USH2A: variants seen among roughly 807,000 people sequenced by gnomAD.
The protein encoded by USH2A is Usher syndrome 2A (autosomal recessive, mild).
USH2A carries 443 observed loss-of-function variants against 538.9 expected under a neutral mutation model. The observed-to-expected ratio is 0.82, with a 90% CI of 0.76 to 0.89. USH2A has a LOEUF of 0.89. Among genes scored for constraint, USH2A ranks in the 40% least tolerant of loss-of-function variants. USH2A has a pLI of 0.00. For synonymous variants in USH2A, 2,413 were observed against 2,273.5 expected, an observed-to-expected ratio of 1.06 and a Z score of -1.75; for missense variants, 6,633 against 6,324.8, an observed-to-expected ratio of 1.05 and a Z score of -1.65.
chr1:216,377,403 C>T (rs780391614), intron 3 of USH2A, among the ~76,000 whole-genome samples: 3 of 152,096 alleles, frequency 2.0e-5, no homozygotes, highest in Non-Finnish European at 4.4e-5. Context: ...AAGAATATAT[C>T]ATCCCTGAAT....
chr1:216,259,355 G>T (rs1017060358), intron 11 of USH2A, among the ~76,000 whole-genome samples: 1 of 152,020 alleles, frequency 6.6e-6, no homozygotes, highest in Non-Finnish European at 1.5e-5. Context: ...TGAAATCTAT[G>T]GTCTGTAGCT....
At chr1:216,041,342 G>A (rs2030264827) in intron 32 of USH2A, among the ~76,000 whole-genome samples, 2 of 151,922 alleles carry the variant, frequency 1.3e-5, no homozygotes, top group Non-Finnish European at 2.9e-5. Context: ...AACTCAAGGT[G>A]CAGCAATGCC....
chr1:216,263,752 C>G (rs553842167), intron 11 of USH2A, among the ~76,000 whole-genome samples: 28 of 152,018 alleles, frequency 1.8e-4, no homozygotes, highest in Non-Finnish European at 3.7e-4. Context: ...CAACCTAGAA[C>G]TAGAAATTCC....
chr1:216,412,343 A>G (rs1223069633), intron 3 of USH2A, among the ~76,000 whole-genome samples: 1 of 152,156 alleles, frequency 6.6e-6, no homozygotes, highest in Non-Finnish European at 1.5e-5. Context: ...TACCTCTTCC[A>G]TAATAAAGTA....
chr1:216,116,737 G>T (rs114959981), intron 21 of USH2A, among the ~76,000 whole-genome samples: 3,174 of 152,122 alleles, frequency 0.021, 43 homozygotes, highest in Non-Finnish European at 0.03. Context: ...CAATATTAGG[G>T]TCGCTTCAGG....
At chr1:216,160,417 A>G (rs1322791246) in intron 21 of USH2A, among the ~76,000 whole-genome samples, 1 of 151,978 alleles carries the variant, frequency 6.6e-6, no homozygotes, top group African/African-American at 2.4e-5. Flanking sequence ...TTCCAATCGG[A>G]TTATGTTTTA....
chr1:216,070,576 C>T (rs1283382726), intron 29 of USH2A, among the ~76,000 whole-genome samples: 1 of 152,054 alleles, frequency 6.6e-6, no homozygotes, highest in Non-Finnish European at 1.5e-5. Context: ...GTTTAAACAT[C>T]ACTCATAAAG....
chr1:216,100,972 G>T (rs1417785549), intron 21 of USH2A, among the ~76,000 whole-genome samples: 1 of 152,102 alleles, frequency 6.6e-6, no homozygotes, highest in East Asian at 1.9e-4. Context: ...AAGAAGGGAA[G>T]CTATAGTATA....
In USH2A at chr1:215,965,400, T is replaced by G. The variant is rs776390437; in HGVS notation, c.7037A>C (p.His2346Pro). 3.1e-6 allele frequency: 5 copies of G among 1,613,804 alleles called. No homozygotes were observed. Among genetic ancestry groups the G allele is most frequent in the Non-Finnish European group, 4.2e-6 (5 of 1,179,836 alleles). ...FVKTQGSRKA[H>P]VRWEAPFRPN... ...GCGAAAAGGTGCTTCCCACCTCACGTGGGCTTTCCGGGATCCCTGTGTTTT... is the reference window on the plus strand; with the variant it reads ...GCGAAAAGGTGCTTCCCACCTCACGGGGGCTTTCCGGGATCCCTGTGTTTT... The change falls in exon 37 of 72, where the codon CAC becomes CCC. Residue 2346 changes from histidine (H) to proline (P), a missense_variant. His to Pro is a moderately conservative substitution (Grantham distance 77). Transcript: ENST00000307340.
chr1:216,261,962 A>G (rs981690362), intron 11 of USH2A, among the ~76,000 whole-genome samples: 2 of 152,184 alleles, frequency 1.3e-5, no homozygotes, highest in African/African-American at 4.8e-5. Flanking sequence ...CATTACTGAC[A>G]TGGATTACAG....
chr1:215,764,579 T>G (rs964739429), intron 56 of USH2A, among the ~76,000 whole-genome samples: 1 of 152,090 alleles, frequency 6.6e-6, no homozygotes. Flanking sequence ...AGATTGAAAA[T>G]GAGAGGCAAG....
intron 14 of USH2A, among the ~76,000 whole-genome samples, chr1:216,218,423 AGAC>A (rs2035387606): frequency 1.3e-5 from 2 of 152,170 alleles, no homozygotes; most frequent in Admixed American, 6.6e-5. Context: ...ACATGTAAGA[AGAC>A]CACTCACCAT....
intron 5 of USH2A, among the ~76,000 whole-genome samples, chr1:216,327,202 T>G (rs1324996334): frequency 1.3e-5 from 2 of 152,184 alleles, no homozygotes; most frequent in Non-Finnish European, 2.9e-5. Flanking sequence ...TTTATTGTTC[T>G]ACATTCTCTA....
intron 20 of USH2A, among the ~76,000 whole-genome samples, chr1:216,189,143 G>T (rs2034667002): frequency 6.6e-6 from 1 of 151,816 alleles, no homozygotes; most frequent in African/African-American, 2.4e-5. Context: ...AATACAAAGT[G>T]TTCAGTTATA....
chr1:215,627,418 TTC>T lies in USH2A; in HGVS notation c.15519+1394_15519+1395del, dbSNP rs1558027279. ...CTTCCTTCCTTCCTTCCTTCCTTCC[TTC>T]CTTCCTTCCTTCCTTCCTTCCTTCC... On this transcript the variant is annotated intron_variant, in intron 71 of 71. Transcript: ENST00000307340. Among the ~76,000 whole-genome samples, 14 of 118,180 alleles carry T rather than the reference TTC, an allele frequency of 1.2e-4. 1 individual carries two copies. The highest frequency in any genetic ancestry group is 2.5e-4 in the Non-Finnish European group (14 of 55,472). 77.5% of individuals were successfully genotyped at this position (118,180 alleles called of 152,430 possible).
At chr1:216,397,703 G>A (rs1453545110) in intron 3 of USH2A, among the ~76,000 whole-genome samples, 2 of 152,156 alleles carry the variant, frequency 1.3e-5, no homozygotes, top group Non-Finnish European at 2.9e-5. Flanking sequence ...GGGGATCTGG[G>A]GGTTCTCAGG....
chr1:215,720,368 T>A (rs1487298799), intron 61 of USH2A, among the ~76,000 whole-genome samples: 1 of 152,184 alleles, frequency 6.6e-6, no homozygotes, highest in Non-Finnish European at 1.5e-5. Context: ...GGCAAGAGGC[T>A]TCCTACTGCA....
chr1:216,232,065 G>A lies in USH2A; in HGVS notation c.2881C>T (p.His961Tyr). The A allele has an allele frequency of 6.2e-7, 1 of 1,614,050 alleles. No individual in the cohort carries two copies. The change falls in exon 14 of 72, where the codon CAC becomes TAC. Residue 961 changes from histidine to tyrosine, a missense_variant. Coordinates refer to ENST00000307340, the MANE Select transcript of USH2A (RefSeq NM_206933.4). ...CSCHTTGAVN[H>Y]ICNSLTGQCV... is the part of the protein sequence containing the mutation. ...TGACCAGTCAGGCTATTACAGATGT[G>A]ATTAACTGCACCAGTTGTATGGCAT...
Position 215,758,650 on chromosome 1 carries a change from T to A in USH2A, c.11334A>T (p.Pro3778=). The change falls in exon 58 of 72, where the codon CCA becomes CCT. Residue 3778 remains proline (P), a synonymous_variant. Transcript: ENST00000307340. ...PMSTPEEIYP[P]YNITVIGPYS... ...AAGGCCCAATTACTGTGATATTATATGGAGGATAGATTTCTTCTGGTGTTG... is the reference window on the plus strand; with the variant it reads ...AAGGCCCAATTACTGTGATATTATAAGGAGGATAGATTTCTTCTGGTGTTG... 6.2e-7 allele frequency: 1 copy of A among 1,613,878 alleles called. No individual in the cohort carries two copies.
Sources: gnomAD v4.1 joint callset for allele counts (sites outside exome capture counted in the v4.1 genomes callset) on GRCh38, gnomAD v4.1.1 for gene constraint, MANE v1.5 for transcripts, NCBI Gene and HGNC (gene_info 2026-07-23, HGNC 2026-07-21) for gene names.